The following NEK5 variants were observed in gnomAD, a reference collection of about 807,000 sequenced individuals.
NEK5 encodes the protein NIMA related kinase 5.
In NEK5, 88 loss-of-function variants were observed where a neutral mutation model predicts 109.2. That is an observed-to-expected ratio of 0.81 (90% confidence interval 0.68 to 0.96). NEK5 has a LOEUF of 0.96. NEK5 is among the 40% of genes least tolerant of loss of function. The pLI, the probability that NEK5 is intolerant of heterozygous loss-of-function variation, is 0.00. For missense variants in NEK5, 834 were observed against 920.7 expected, an observed-to-expected ratio of 0.91 and a Z score of 1.22; for synonymous variants, 283 against 299.9, an observed-to-expected ratio of 0.94 and a Z score of 0.58.
intron 8 of NEK5, 51 bp from the exon 9 acceptor site, chr13:52,104,603 A>G: frequency 7.7e-7 from 1 of 1,294,624 alleles, no homozygotes; most frequent in East Asian, 2.3e-5. Context: ...AATTCTTAAT[A>G]AAAGCTTTTA....
At chr13:52,077,461 G>A (rs1346965640) in intron 17 of NEK5, among the ~76,000 whole-genome samples, 1 of 152,182 alleles carries the variant, frequency 6.6e-6, no homozygotes, top group Admixed American at 6.5e-5. Context: ...TGCAAGCCAT[G>A]GTGCGGGGAT....
intron 17 of NEK5, among the ~76,000 whole-genome samples, chr13:52,077,624 C>A (rs184853748): frequency 1.1e-4 from 17 of 152,304 alleles, no homozygotes; most frequent in African/African-American, 4.1e-4. Flanking sequence ...CTGAAACACT[C>A]ATACAATGTC....
intron 4 of NEK5, among the ~76,000 whole-genome samples, chr13:52,114,123 AAAG>A (rs1165035254): frequency 1.3e-5 from 2 of 152,226 alleles, no homozygotes; most frequent in African/African-American, 2.4e-5. Context: ...TCTTGTTAGA[AAAG>A]AAGGATTTCT....
At chr13:52,128,720 C>G (rs937092971) in intron 1 of NEK5, among the ~76,000 whole-genome samples, 2 of 152,142 alleles carry the variant, frequency 1.3e-5, no homozygotes, top group African/African-American at 4.8e-5. Context: ...GCGACCCTCC[C>G]GCCCAAGTGG....
chr13:52,083,485 T>A, intron 16 of NEK5, 133 bp from the exon 17 acceptor site: 1 of 615,212 alleles, frequency 1.6e-6, no homozygotes. Context: ...CGCCACAGCT[T>A]CAGTATTTCC....
intron 19 of NEK5, among the ~76,000 whole-genome samples, chr13:52,074,093 C>T (rs1178514940): frequency 6.6e-6 from 1 of 151,802 alleles, no homozygotes; most frequent in Non-Finnish European, 1.5e-5. Flanking sequence ...GTCAAACTAC[C>T]AATGTAACTT....
At chr13:52,056,145 T>C (rs1954553148) in intron 22 of NEK5, among the ~76,000 whole-genome samples, 1 of 151,974 alleles carries the variant, frequency 6.6e-6, no homozygotes, top group African/African-American at 2.4e-5. Context: ...AGGGTTGCAA[T>C]CCTAGTCTCT....
At chr13:52,083,693 C>T (rs563707358) in intron 16 of NEK5, among the ~76,000 whole-genome samples, 8 of 152,208 alleles carry the variant, frequency 5.3e-5, no homozygotes, top group Admixed American at 4.6e-4. Flanking sequence ...CGCACCACCA[C>T]GCCTGGCTAA....
At position 52,065,473 on chromosome 13, in the gene NEK5, C is replaced by T; in HGVS notation, c.1975+11G>A. 1 of 1,614,142 alleles carries T rather than the reference C, an allele frequency of 6.2e-7. No individual in the cohort carries two copies. Among genetic ancestry groups the T allele is most frequent in the Non-Finnish European group, 8.5e-7 (1 of 1,179,974 alleles). On this transcript the variant is annotated intron_variant, in intron 21 of 23. Coordinates refer to ENST00000684899, the MANE Select transcript of NEK5 (RefSeq NM_001365552.1). ...TCCCTTCCTGACGACTGACGCTAAG[C>T]ACAGACTCACTGTCAGGCCCCGTGG... is the stretch of plus-strand genomic sequence containing the variant.
At chr13:52,037,474 TA>T (rs1053953000) in intron 23 of NEK5, among the ~76,000 whole-genome samples, 3 of 150,850 alleles carry the variant, frequency 2.0e-5, no homozygotes, top group South Asian at 4.2e-4. Flanking sequence ...AAGAGAGAAT[TA>T]AAAAAAAAGA....
chr13:52,125,322 G>T (rs1320486976), intron 3 of NEK5, among the ~76,000 whole-genome samples: 17 of 152,222 alleles, frequency 1.1e-4, no homozygotes, highest in Admixed American at 1.1e-3. Context: ...CCAGCACTTT[G>T]GGAGGCCGAG....
At chr13:52,069,754 T>A (rs562626881) in intron 20 of NEK5, among the ~76,000 whole-genome samples, 79 of 152,344 alleles carry the variant, frequency 5.2e-4, no homozygotes, top group African/African-American at 1.8e-3. Context: ...GCTCATGCAC[T>A]TGGACTCTTC....
intron 20 of NEK5, among the ~76,000 whole-genome samples, chr13:52,067,411 A>G (rs1191105453): frequency 1.3e-5 from 2 of 152,214 alleles, no homozygotes; most frequent in Non-Finnish European, 2.9e-5. Flanking sequence ...GAACTAGCAC[A>G]GGAAGCTTGC....
intron 4 of NEK5, among the ~76,000 whole-genome samples, chr13:52,118,912 C>G (rs945785443): frequency 3.9e-5 from 6 of 152,170 alleles, no homozygotes; most frequent in Non-Finnish European, 1.5e-5. Context: ...CTTATGAGAA[C>G]AGCTGGTTCC....
rs951030625 is a variant in NEK5 at position 52,063,758 on chromosome 13, G to C, written c.1975+1726C>G. On this transcript the variant is annotated intron_variant, in intron 21 of 23. Coordinates refer to ENST00000684899, the MANE Select transcript of NEK5 (RefSeq NM_001365552.1). Reference sequence around the variant, plus strand: ...TGGGAGGTGAGGAGCGTCTCTGCCCGGCCACCCCATCTGAGAAGTGAGGAG... The same window carrying C: ...TGGGAGGTGAGGAGCGTCTCTGCCCCGCCACCCCATCTGAGAAGTGAGGAG... Among the ~76,000 whole-genome samples the C allele has an allele frequency of 2.7e-3, 411 of 150,426 alleles. 2 individuals carry two copies. Among genetic ancestry groups the C allele is most frequent in the African/African-American group, 9.7e-3 (396 of 40,906 alleles).
intron 13 of NEK5, among the ~76,000 whole-genome samples, chr13:52,092,780 A>AGAGGCC (rs1452236075): frequency 6.6e-6 from 1 of 152,058 alleles, no homozygotes; most frequent in Non-Finnish European, 1.5e-5. Flanking sequence ...CAGCTACTGG[A>AGAGGCC]GAGGCCGAGG....
intron 12 of NEK5, among the ~76,000 whole-genome samples, chr13:52,096,472 G>T (rs1955418660): frequency 6.6e-6 from 1 of 152,162 alleles, no homozygotes; most frequent in Non-Finnish European, 1.5e-5. Flanking sequence ...ATTGAGAAAT[G>T]CAGCAAAGGA....
At chr13:52,064,536 G>C (rs1476486218) in intron 21 of NEK5, among the ~76,000 whole-genome samples, 1 of 150,580 alleles carries the variant, frequency 6.6e-6, no homozygotes, top group African/African-American at 2.4e-5. Context: ...CGCCCCGTCC[G>C]GGAGGTGAGG....
chr13:52,055,728 C>T (rs1484749187), intron 22 of NEK5, among the ~76,000 whole-genome samples: 4 of 152,054 alleles, frequency 2.6e-5, no homozygotes, highest in African/African-American at 9.7e-5. Context: ...AAATAAAATA[C>T]TTTACAGACA....
Sources: allele counts gnomAD v4.1 joint callset (sites outside exome capture counted in the v4.1 genomes callset), GRCh38; gene constraint gnomAD v4.1.1; transcripts MANE v1.5; gene names NCBI Gene and HGNC (gene_info 2026-07-23, HGNC 2026-07-21).